The following PARPBP variants were observed in gnomAD, a reference collection of about 807,000 sequenced individuals.
The protein encoded by PARPBP is PARP1 binding protein.
PARPBP carries 52 observed loss-of-function variants against 50.0 expected under a neutral mutation model. That is an observed-to-expected ratio of 1.04 (90% confidence interval 0.83 to 1.31). The LOEUF (loss-of-function observed/expected upper bound fraction) is 1.31, where lower values mean the gene tolerates loss of function less well. PARPBP is among the 50% of genes most tolerant of loss of function. The pLI is 0.00. For synonymous variants in PARPBP, 244 were observed against 232.1 expected, an observed-to-expected ratio of 1.05 and a Z score of -0.47; for missense variants, 697 against 672.0, an observed-to-expected ratio of 1.04 and a Z score of -0.41.
intron 2 of PARPBP, among the ~76,000 whole-genome samples, chr12:102,147,065 A>G (rs184833609): frequency 1.2e-4 from 18 of 152,266 alleles, no homozygotes; most frequent in Admixed American, 1.1e-3. Context: ...AAGTCAGGAT[A>G]CAACACGTGC....
chr12:102,131,177 T>C (rs946901980), intron 2 of PARPBP, among the ~76,000 whole-genome samples: 1 of 152,004 alleles, frequency 6.6e-6, no homozygotes, highest in Non-Finnish European at 1.5e-5. Context: ...TTACAAAAAT[T>C]AGCCGGGTGT....
At chr12:102,165,950 G>A in intron 6 of PARPBP, 67 bp downstream of exon 6, 1 of 1,021,946 alleles carries the variant, frequency 9.8e-7, no homozygotes, top group South Asian at 1.5e-5. Flanking sequence ...GAATTGGGTA[G>A]AAATAAGGGA....
chr12:102,190,401 G>C (rs955381603), intron 9 of PARPBP, among the ~76,000 whole-genome samples: 2 of 152,052 alleles, frequency 1.3e-5, no homozygotes, highest in Non-Finnish European at 2.9e-5. Flanking sequence ...AAAGGACAAG[G>C]CTTCTCTAAA....
intron 6 of PARPBP, among the ~76,000 whole-genome samples, chr12:102,173,184 G>A (rs1339774265): frequency 6.6e-6 from 1 of 152,214 alleles, no homozygotes; most frequent in Non-Finnish European, 1.5e-5. Flanking sequence ...TGGCCAGCAT[G>A]GGGAGATAAA....
intron 1 of PARPBP, among the ~76,000 whole-genome samples, chr12:102,122,278 A>G (rs1032116750): frequency 2.6e-5 from 4 of 152,104 alleles, no homozygotes; most frequent in Non-Finnish European, 5.9e-5. Context: ...ATTCTTAGCT[A>G]TTTACTAGGA....
chr12:102,156,674 G>A (rs1460859117), intron 4 of PARPBP, among the ~76,000 whole-genome samples: 1 of 151,964 alleles, frequency 6.6e-6, no homozygotes, highest in East Asian at 1.9e-4. Context: ...GAGGCTTACT[G>A]TGTTGCCCAG....
At position 102,195,948 on chromosome 12, in the gene PARPBP, C is replaced by G. The variant is rs773020384; in HGVS notation, c.1400-3C>G. 4 of 1,558,832 alleles carry G rather than the reference C, an allele frequency of 2.6e-6. No individual in the cohort carries two copies. Among genetic ancestry groups the G allele is most frequent in the East Asian group, 2.3e-5 (1 of 44,406 alleles). On this transcript the variant is annotated splice_polypyrimidine_tract_variant and splice_region_variant and intron_variant, in intron 10 of 10. Transcript: ENST00000327680. ...CCTTTCCCCTTTTTATCTTGCATAACAGAGGGTGTAAATCCATCTGTTGGA... is the reference window on the plus strand; with the variant it reads ...CCTTTCCCCTTTTTATCTTGCATAAGAGAGGGTGTAAATCCATCTGTTGGA...
At chr12:102,144,915 A>G (rs756737329) in intron 2 of PARPBP, among the ~76,000 whole-genome samples, 12 of 152,130 alleles carry the variant, frequency 7.9e-5, no homozygotes, top group Non-Finnish European at 1.6e-4. Context: ...AGAGTTACTG[A>G]TTTTTTTGTT....
intron 2 of PARPBP, among the ~76,000 whole-genome samples, chr12:102,141,598 T>C (rs532969507): frequency 6.6e-6 from 1 of 152,238 alleles, no homozygotes; most frequent in Non-Finnish European, 1.5e-5. Context: ...CTTTAAAATT[T>C]GGCATGTTTT....
At chr12:102,138,224 G>A (rs1410308193) in intron 2 of PARPBP, among the ~76,000 whole-genome samples, 1 of 152,140 alleles carries the variant, frequency 6.6e-6, no homozygotes, top group Non-Finnish European at 1.5e-5. Context: ...GTATCTCATC[G>A]TGGTTTTGAT....
intron 9 of PARPBP, among the ~76,000 whole-genome samples, chr12:102,185,107 G>A (rs1410706817): frequency 6.6e-6 from 1 of 152,068 alleles, no homozygotes; most frequent in African/African-American, 2.4e-5. Context: ...ATGCTCCTGC[G>A]ATCACAAAAG....
chr12:102,175,949 T>C (rs1327575217), intron 7 of PARPBP, among the ~76,000 whole-genome samples: 1 of 152,032 alleles, frequency 6.6e-6, no homozygotes, highest in Non-Finnish European at 1.5e-5. Flanking sequence ...TCTTGATGGA[T>C]ATTAAGGTGT....
chr12:102,142,043 G>A (rs1010747416), intron 2 of PARPBP, among the ~76,000 whole-genome samples: 3 of 152,168 alleles, frequency 2.0e-5, no homozygotes, highest in Non-Finnish European at 2.9e-5. Flanking sequence ...GCCCTGCTAG[G>A]TTGGGGAAGT....
intron 10 of PARPBP, 56 bp from the exon 11 acceptor site, chr12:102,195,895 A>G: frequency 8.9e-7 from 1 of 1,128,966 alleles, no homozygotes; most frequent in Non-Finnish European, 1.3e-6. Context: ...AAGTTCTCGT[A>G]AATATTAATA....
chr12:102,190,597 C>T (rs1312421321), intron 9 of PARPBP, among the ~76,000 whole-genome samples: 3 of 152,198 alleles, frequency 2.0e-5, no homozygotes, highest in East Asian at 1.9e-4. Flanking sequence ...AGTGCCAGCC[C>T]AGTGCCCAGG....
chr12:102,148,512 CTATT>C (rs1885740481), intron 3 of PARPBP, 49 bp downstream of exon 3: 2 of 721,390 alleles, frequency 2.8e-6, no homozygotes, highest in African/African-American at 1.9e-5. Flanking sequence ...AAATTTAGCT[CTATT>C]TATTTTGAAT....
At chr12:102,163,395 T>C (rs1285739219) in intron 4 of PARPBP, among the ~76,000 whole-genome samples, 1 of 152,226 alleles carries the variant, frequency 6.6e-6, no homozygotes, top group Non-Finnish European at 1.5e-5. Context: ...CTCAAGATTT[T>C]CTCTTACTTT....
At chr12:102,151,545 T>G in intron 3 of PARPBP, 2 of 1,515,850 alleles carry the variant, frequency 1.3e-6, no homozygotes, top group Non-Finnish European at 1.8e-6. Context: ...GCACACTTTT[T>G]AGGACCTTCT....
chr12:102,195,069 C>CA (rs146804709), intron 9 of PARPBP, among the ~76,000 whole-genome samples: 5,439 of 143,814 alleles, frequency 0.038, 383 homozygotes, highest in East Asian at 0.3. Flanking sequence ...TAACTGTTAC[C>CA]AAAAAAAAAA....
Sources: allele counts gnomAD v4.1 joint callset (sites outside exome capture counted in the v4.1 genomes callset), GRCh38; gene constraint gnomAD v4.1.1; transcripts MANE v1.5; gene names NCBI Gene and HGNC (gene_info 2026-07-23, HGNC 2026-07-21).